The following PNPLA7 variants were observed in gnomAD, a reference collection of about 807,000 sequenced individuals.
PNPLA7 encodes the protein patatin like domain 7, lysophospholipase, also known as patatin-like phospholipase domain-containing protein 7.
In PNPLA7, 153 loss-of-function variants were observed where a neutral mutation model predicts 161.7. The ratio of observed to expected loss-of-function variants is 0.95; its 90% CI spans 0.83 to 1.08. The LOEUF (loss-of-function observed/expected upper bound fraction) is 1.08. PNPLA7 is among the 50% of genes least tolerant of loss of function. PNPLA7 has a pLI of 0.00. For missense variants in PNPLA7, 1,739 were observed against 1,856.6 expected (o/e 0.94, Z 1.16); for synonymous variants, 809 against 782.1 (o/e 1.03, Z -0.57).
rs764405251 is a variant in PNPLA7, at chr9:137,541,123, G to A, written c.667-401C>T. Among the ~76,000 whole-genome samples, 4 of 152,260 alleles carry A rather than the reference G, an allele frequency of 2.6e-5. No homozygotes were observed. Among genetic ancestry groups the A allele is most frequent in the Admixed American group, 6.5e-5 (1 of 15,288 alleles). On this transcript the variant is annotated intron_variant, in intron 7 of 34. Transcript: ENST00000406427. The surrounding 1 kb of genome is among the most constrained non-coding windows in gnomAD (Gnocchi z 4.4). Reference sequence around the variant, plus strand: ...TAGGTAAAAAAAGAAAAGAAACCGCGCTATTTTGGTGATTTAACAAAGTAA... The same window carrying A: ...TAGGTAAAAAAAGAAAAGAAACCGCACTATTTTGGTGATTTAACAAAGTAA...
chr9:137,506,209 GC>G (rs1351781899), intron 12 of PNPLA7, 126 bp from the exon 13 acceptor site: 3 of 703,068 alleles, frequency 4.3e-6, no homozygotes, highest in Non-Finnish European at 7.3e-6. Context: ...AGGGAGTCGG[GC>G]CCTGAGATCC....
At chr9:137,501,329 C>T (rs1228615060) in intron 15 of PNPLA7, among the ~76,000 whole-genome samples, 1 of 152,224 alleles carries the variant, frequency 6.6e-6, no homozygotes, top group Non-Finnish European at 1.5e-5. Context: ...TGCAGATGTA[C>T]CCATGAAACC....
chr9:137,527,168 G>A (rs1450976093), intron 8 of PNPLA7, among the ~76,000 whole-genome samples: 1 of 143,536 alleles, frequency 7.0e-6, no homozygotes, highest in Admixed American at 6.8e-5. Context: ...TTGGGAGGCT[G>A]AGGCAGGAGA....
intron 14 of PNPLA7, among the ~76,000 whole-genome samples, chr9:137,504,720 T>TA (rs963298818): frequency 1.2e-4 from 18 of 152,018 alleles, no homozygotes; most frequent in African/African-American, 4.3e-4. Context: ...CCTTAACCGT[T>TA]AGAGAGGAAT....
chr9:137,528,912 G>A (rs1291257715), intron 8 of PNPLA7, among the ~76,000 whole-genome samples: 1 of 151,454 alleles, frequency 6.6e-6, no homozygotes, highest in East Asian at 2.0e-4. Context: ...GCGTTAGCCA[G>A]GATGGTCTCG....
At chr9:137,526,147 G>A (rs1028667401) in intron 8 of PNPLA7, among the ~76,000 whole-genome samples, 2 of 151,890 alleles carry the variant, frequency 1.3e-5, no homozygotes, top group Non-Finnish European at 2.9e-5. Flanking sequence ...GTAACAGCTC[G>A]TGCCCTCGGT....
intron 14 of PNPLA7, among the ~76,000 whole-genome samples, chr9:137,504,072 GGAAGAA>G (rs1222796550): frequency 5.7e-5 from 8 of 139,846 alleles, no homozygotes; most frequent in Non-Finnish European, 1.1e-4. Flanking sequence ...GAAAGAAGAA[GGAAGAA>G]GAAGAAGGAA....
At chr9:137,477,871 C>G (rs1458389918) in intron 25 of PNPLA7, among the ~76,000 whole-genome samples, 163 bp downstream of exon 25, 4 of 152,230 alleles carry the variant, frequency 2.6e-5, no homozygotes, top group Non-Finnish European at 5.9e-5. Context: ...AGGGCCTGCT[C>G]AGAGGACAGG....
chr9:137,517,943 T>C (rs1834707777), intron 11 of PNPLA7, among the ~76,000 whole-genome samples: 1 of 52,216 alleles, frequency 1.9e-5, no homozygotes, highest in Non-Finnish European at 3.7e-5. Flanking sequence ...GTCCACTCCA[T>C]CCCCACTCAC....
chr9:137,502,748 T>G (rs1179766083), intron 14 of PNPLA7, among the ~76,000 whole-genome samples: 19 of 13,656 alleles, frequency 1.4e-3, no homozygotes, highest in South Asian at 3.3e-3. Flanking sequence ...GAGAGGGATG[T>G]GGGAGCCGGC....
At chr9:137,518,591 A>G (rs1394565962) in intron 11 of PNPLA7, among the ~76,000 whole-genome samples, 4 of 32,934 alleles carry the variant, frequency 1.2e-4, no homozygotes, top group African/African-American at 4.5e-4. Flanking sequence ...CCACTCACTC[A>G]CTCCACTCTG....
intron 8 of PNPLA7, among the ~76,000 whole-genome samples, chr9:137,538,580 T>A (rs1836016840): frequency 6.6e-6 from 1 of 152,200 alleles, no homozygotes; most frequent in South Asian, 2.1e-4. Context: ...AGGTAGAAGT[T>A]ACCTTGATAC....
In PNPLA7 at chr9:137,547,371, A is replaced by T. The variant is rs1461289699; in HGVS notation, c.131T>A (p.Leu44His). 3 of 1,613,440 alleles carry T rather than the reference A, an allele frequency of 1.9e-6. No individual in the cohort carries two copies. The Admixed American group carries it at 5.0e-5, about 27-fold the overall frequency. The change falls in exon 3 of 35, where the codon CTC becomes CAC. Residue 44 changes from leucine (L) to histidine (H), a missense_variant. This residue lies in a region of PNPLA7 where 209 missense variants were observed against 252.8 expected (regional missense o/e 0.83). Transcript: ENST00000406427. This position sits in a 1 kb window ranked among gnomAD's most constrained non-coding sequence, Gnocchi z 4.6. Reference protein sequence around the residue: ...TMLTGIAVGALLALALVGVLI... With the variant: ...TMLTGIAVGAHLALALVGVLI... ...GACACCAACCAAGGCCAGGGCCAGG[A>T]GGGCTCCAACTGCAATCCCCGTCAG...
At chr9:137,484,984 G>C (rs543499199) in intron 20 of PNPLA7, among the ~76,000 whole-genome samples, 3 of 152,010 alleles carry the variant, frequency 2.0e-5, no homozygotes, top group African/African-American at 7.3e-5. Flanking sequence ...CTCAGGGGCT[G>C]CCTGGACCTC....
chr9:137,466,539 C>T (rs1314604513), intron 26 of PNPLA7, among the ~76,000 whole-genome samples: 3 of 150,606 alleles, frequency 2.0e-5, no homozygotes, highest in African/African-American at 7.3e-5. Flanking sequence ...CTCCCACCAC[C>T]ATCTCCACCA....
In PNPLA7 at chr9:137,515,467, G is replaced by A; in HGVS notation, c.1137C>T (p.His379=). 2.5e-6 allele frequency: 4 copies of A among 1,587,110 alleles called. No homozygotes were observed. The highest frequency in any genetic ancestry group is 2.6e-6 in the Non-Finnish European group (3 of 1,168,492). ...AAAGPLLKRS[H]SVPAPSIRKQ... ...TGCGAATGGAAGGCGCGGGGACGGA[G>A]TGGCTCCTCTTCAGCAGGGGCCCAG... The change falls in exon 12 of 35, where the codon CAC becomes CAT. Residue 379 remains histidine (H), a synonymous_variant. Coordinates refer to ENST00000406427, the MANE Select transcript of PNPLA7 (RefSeq NM_001098537.3).
rs1833377254 is a variant in PNPLA7, at chr9:137,500,992, CG to C, written c.1552-97del. On this transcript the variant is annotated intron_variant, in intron 15 of 34. Transcript: ENST00000406427. This position sits in a 1 kb window ranked among gnomAD's most constrained non-coding sequence, Gnocchi z 5.5. ...AGCGGACGATGCCACCAGGCTCAGCCGGGAGACCATCCGCCGACCTGATCAG... is the reference window on the plus strand; with the variant it reads ...AGCGGACGATGCCACCAGGCTCAGCCGGAGACCATCCGCCGACCTGATCAG... 1 of 1,152,572 alleles carries C rather than the reference CG, an allele frequency of 8.7e-7. No individual in the cohort carries two copies. The highest frequency in any genetic ancestry group is 1.2e-6 in the Non-Finnish European group (1 of 821,390). 71.4% of individuals were successfully genotyped at this position (1,152,572 alleles called of 1,614,324 possible).
At chr9:137,491,366 C>G (rs1832753871) in intron 20 of PNPLA7, 6 of 626,990 alleles carry the variant, frequency 9.6e-6, no homozygotes, top group Non-Finnish European at 1.2e-5. Flanking sequence ...AATAATTACA[C>G]TAAGTATCTA....
intron 4 of PNPLA7, among the ~76,000 whole-genome samples, chr9:137,546,066 C>T (rs540900255): frequency 3.9e-5 from 6 of 152,278 alleles, no homozygotes; most frequent in South Asian, 2.1e-4. Context: ...TCAGTGGTCA[C>T]GCTCCTAGTC....
Sources: gnomAD v4.1 joint callset for allele counts (sites outside exome capture counted in the v4.1 genomes callset) on GRCh38, gnomAD v4.1.1 for gene constraint, gnomAD v4.1.1 regional missense constraint, Gnocchi (gnomAD v3.1) non-coding constraint, MANE v1.5 for transcripts, NCBI Gene and HGNC (gene_info 2026-07-23, HGNC 2026-07-21) for gene names.